PAQR7: variants seen among roughly 807,000 people sequenced by gnomAD.
PAQR7 encodes progestin and adipoQ receptor family member 7.
Under a neutral mutation model 24.6 loss-of-function variants are expected in PAQR7, and 14 were observed. The ratio of observed to expected loss-of-function variants is 0.57; its 90% confidence interval spans 0.38 to 0.89. The LOEUF is 0.89. PAQR7 is among the 40% of genes least tolerant of loss of function. The probability of loss-of-function intolerance (pLI) is 0.00; values close to 1 mark genes in which losing one functional copy is unlikely to be tolerated. For missense variants in PAQR7, 351 were observed against 444.0 expected, an observed-to-expected ratio of 0.79 and a Z score of 1.88; for synonymous variants, 189 against 198.8, an observed-to-expected ratio of 0.95 and a Z score of 0.42.
Position 25,870,611 on chromosome 1 carries a change from A to G in PAQR7, c.-25T>C, listed in dbSNP as rs2048596222. The G allele has an allele frequency of 6.6e-6, 1 of 152,234 alleles. No individual in the cohort carries two copies. Among genetic ancestry groups the G allele is most frequent in the South Asian group, 2.1e-4 (1 of 4,832 alleles). The allele number at this position is 152,234 out of a possible 1,614,324, so 9.4% of individuals were successfully genotyped here. A position where few individuals can be genotyped will look rare whatever the true frequency, so the allele number is the denominator to read the frequency against. On this transcript the variant is annotated splice_region_variant and 5_prime_UTR_variant, in exon 2 of 3. Transcript: ENST00000675840. ...GCCAGCTGAAAAGTTTGACTTACCT[A>G]AGATCACACAGCAGGGCAAAGGCAA...
At position 25,868,907 on chromosome 1, in the gene PAQR7, T is replaced by C. The variant is rs2048580412; in HGVS notation, c.-23+1702A>G. On this transcript the variant is annotated intron_variant, in intron 2 of 2. Transcript: ENST00000675840. ...ACTTTGGGAGGCCGAGGTGGGTGGATCACGAGGTCAAGAGATCGAGACCAT... is the reference window on the plus strand; with the variant it reads ...ACTTTGGGAGGCCGAGGTGGGTGGACCACGAGGTCAAGAGATCGAGACCAT... Among the ~76,000 whole-genome samples, 3 of 151,646 alleles carry C rather than the reference T, an allele frequency of 2.0e-5. No homozygotes were observed. In the South Asian group the frequency reaches 6.2e-4, roughly 32 times the overall value.
At chr1:25,864,528 C>T (rs1454980327) in intron 2 of PAQR7, among the ~76,000 whole-genome samples, 1 of 152,226 alleles carries the variant, frequency 6.6e-6, no homozygotes, top group Non-Finnish European at 1.5e-5. Context: ...TTTTCCTCAT[C>T]TTGCCTACTA....
intron 1 of PAQR7, 187 bp from the exon 2 acceptor site, chr1:25,870,881 A>C (rs2048597909): frequency 6.6e-6 from 1 of 152,228 alleles, no homozygotes; most frequent in Non-Finnish European, 1.5e-5. Context: ...CCCTCATGGG[A>C]ATGACAATAT....
At chr1:25,871,662 C>T (rs1160760405) in intron 1 of PAQR7, among the ~76,000 whole-genome samples, 2 of 152,196 alleles carry the variant, frequency 1.3e-5, no homozygotes, top group East Asian at 3.8e-4. Context: ...TACACACTGT[C>T]AAAGGTTCCC....
intron 2 of PAQR7, among the ~76,000 whole-genome samples, chr1:25,867,419 A>G (rs1279928785): frequency 6.6e-6 from 1 of 152,212 alleles, no homozygotes; most frequent in African/African-American, 2.4e-5. Context: ...ACCTGGCTTC[A>G]ATTACATAAT....
rs1174001684 is a variant in PAQR7, at chr1:25,863,212, A to G, written c.628T>C (p.Ser210Pro). The G allele has an allele frequency of 6.2e-7, 1 of 1,614,250 alleles. No homozygotes were observed. The highest frequency in any genetic ancestry group is 1.1e-5 in the South Asian group (1 of 91,092). Reference sequence around the variant, plus strand: ...ATGTCCAGTGCGTAGGCCAGGACGGAGGGCACCTCCTGGCATGTGCGGCCC... The same window carrying G: ...ATGTCCAGTGCGTAGGCCAGGACGGGGGGCACCTCCTGGCATGTGCGGCCC... The part of the protein sequence containing the change: ...LLGRTCQEVP[S>P]VLAYALDISP... Residue 210 changes from serine to proline, a missense_variant, in exon 3 of 3, where the codon TCC becomes CCC. Transcript: ENST00000675840. This position sits in a 1 kb window ranked among gnomAD's most constrained non-coding sequence, Gnocchi z 6.1.
At chr1:25,865,295 A>G (rs994742567) in intron 2 of PAQR7, among the ~76,000 whole-genome samples, 5 of 152,194 alleles carry the variant, frequency 3.3e-5, no homozygotes, top group African/African-American at 1.2e-4. Flanking sequence ...TGTTCATGTG[A>G]GCTCATCAAG....
At chr1:25,870,028 T>C (rs918207864) in intron 2 of PAQR7, among the ~76,000 whole-genome samples, 5 of 152,146 alleles carry the variant, frequency 3.3e-5, no homozygotes, top group African/African-American at 1.2e-4. Flanking sequence ...AGTAGGTCTG[T>C]TTTCAGAATT....
chr1:25,867,315 G>T (rs1437117420), intron 2 of PAQR7, among the ~76,000 whole-genome samples: 2 of 152,180 alleles, frequency 1.3e-5, no homozygotes, highest in Non-Finnish European at 2.9e-5. Flanking sequence ...GATTACAAAT[G>T]TGAGCCACTG....
chr1:25,864,996 A>T (rs1015137716), intron 2 of PAQR7, among the ~76,000 whole-genome samples: 1 of 151,008 alleles, frequency 6.6e-6, no homozygotes, highest in Non-Finnish European at 1.5e-5. Flanking sequence ...CTCTACTAAA[A>T]ATACAAAAAT....
intron 2 of PAQR7, 78 bp downstream of exon 2, chr1:25,870,531 C>G (rs762552572): frequency 7.2e-5 from 11 of 152,272 alleles, no homozygotes; most frequent in Non-Finnish European, 1.2e-4. Flanking sequence ...CAGGCCTCTG[C>G]TGCAGCAAGC....
At chr1:25,870,815 T>A (rs2048597519) in intron 1 of PAQR7, 121 bp from the exon 2 acceptor site, 1 of 152,262 alleles carries the variant, frequency 6.6e-6, no homozygotes, top group Non-Finnish European at 1.5e-5. Context: ...CCTGATTGCA[T>A]AACATGCTAG....
intron 1 of PAQR7, among the ~76,000 whole-genome samples, chr1:25,871,911 A>G (rs2048609445): frequency 6.6e-6 from 1 of 152,248 alleles, no homozygotes; most frequent in Non-Finnish European, 1.5e-5. Flanking sequence ...AGGAAGATCC[A>G]GCCTGGAGGG....
At chr1:25,871,661 T>C (rs1394659863) in intron 1 of PAQR7, among the ~76,000 whole-genome samples, 1 of 152,026 alleles carries the variant, frequency 6.6e-6, no homozygotes, top group Admixed American at 6.6e-5. Flanking sequence ...ATACACACTG[T>C]CAAAGGTTCC....
intron 1 of PAQR7, among the ~76,000 whole-genome samples, chr1:25,873,285 C>T (rs1258226696): frequency 2.0e-5 from 3 of 152,240 alleles, no homozygotes; most frequent in Non-Finnish European, 4.4e-5. Flanking sequence ...GCACATCTAT[C>T]TGACTCCAAA....
At chr1:25,870,966 A>T (rs886098741) in intron 1 of PAQR7, 1 of 152,162 alleles carries the variant, frequency 6.6e-6, no homozygotes, top group Non-Finnish European at 1.5e-5. Flanking sequence ...GACTCAACAA[A>T]TATTGCAATT....
chr1:25,865,986 CAAAAA>C (rs111451589), intron 2 of PAQR7, among the ~76,000 whole-genome samples: 1 of 97,460 alleles, frequency 1.0e-5, no homozygotes, highest in Non-Finnish European at 2.3e-5. Context: ...AACTCCGTCT[CAAAAA>C]AAAAAAAAAA....
Position 25,863,539 on chromosome 1 carries a change from C to A in PAQR7, c.301G>T (p.Asp101Tyr). 1 of 1,614,128 alleles carries A rather than the reference C, an allele frequency of 6.2e-7. No homozygotes were observed. The change falls in exon 3 of 3, where the codon GAC (aspartate) becomes TAC (tyrosine). Residue 101 changes from aspartate to tyrosine, a missense_variant. Asp to Tyr is a radical substitution (Grantham distance 160). Coordinates refer to ENST00000675840, the MANE Select transcript of PAQR7 (RefSeq NM_178422.6). This position sits in a 1 kb window ranked among gnomAD's most constrained non-coding sequence, Gnocchi z 6.1. ...LFVETVDFWG[D>Y]PHALPLFIIV... is the part of the protein sequence containing the mutation. The stretch of plus-strand genomic sequence containing the variant: ...ATGAAGAGGGGCAGGGCGTGTGGGT[C>A]TCCCCAGAAGTCCACGGTCTCCACA...
chr1:25,868,292 C>T (rs900850559), intron 2 of PAQR7, among the ~76,000 whole-genome samples: 4 of 152,178 alleles, frequency 2.6e-5, no homozygotes, highest in Non-Finnish European at 5.9e-5. Context: ...CAAAGACCAG[C>T]GAATGATGGC....
Sources: gnomAD v4.1 joint callset for allele counts (sites outside exome capture counted in the v4.1 genomes callset) on GRCh38, gnomAD v4.1.1 for gene constraint, Gnocchi (gnomAD v3.1) non-coding constraint, MANE v1.5 for transcripts, NCBI Gene and HGNC (gene_info 2026-07-23, HGNC 2026-07-21) for gene names.